The following CFAP46 variants were observed in gnomAD, a reference collection of about 807,000 sequenced individuals.
The protein encoded by CFAP46 is cilia and flagella associated protein 46, also known as cilia- and flagella-associated protein 46.
Under a neutral mutation model 325.7 loss-of-function variants are expected in CFAP46, and 245 were observed. The ratio of observed to expected loss-of-function variants is 0.75; its 90% CI spans 0.68 to 0.84. CFAP46 has a LOEUF of 0.84. CFAP46 is among the 40% of genes least tolerant of loss of function. The pLI, the probability that CFAP46 is intolerant of heterozygous loss-of-function variation, is 0.00. For missense variants in CFAP46, 3,346 were observed against 3,543.0 expected (o/e 0.94, Z 1.41); for synonymous variants, 1,523 against 1,495.9 (o/e 1.02, Z -0.42).
chr10:132,910,904 C>G (rs12412230), intron 19 of CFAP46, among the ~76,000 whole-genome samples: 53,880 of 152,078 alleles, frequency 0.35, 9,888 homozygotes, highest in Admixed American at 0.49. Context: ...ACTCCCCGTG[C>G]GGTTGTGCAC....
Position 132,832,529 on chromosome 10 carries a change from T to C in CFAP46, c.7117+829A>G, listed in dbSNP as rs542255606. 1.8e-4 allele frequency: 60 copies of C among 326,394 alleles called. No homozygotes were observed. The highest frequency in any genetic ancestry group is 1.2e-3 in the South Asian group (53 of 43,262). The allele number at this position is 326,394 out of a possible 1,614,324, so 20.2% of individuals were successfully genotyped here. On this transcript the variant is annotated intron_variant, in intron 50 of 57. Coordinates refer to ENST00000368586, the MANE Select transcript of CFAP46 (RefSeq NM_001200049.3). The surrounding 1 kb of genome is among the most constrained non-coding windows in gnomAD (Gnocchi z 4.1). ...TCAATGTTTGAAAACCCTCATTTCA[T>C]GTGCTTTTCTCTGGTTTTTATTTGT...
At chr10:132,900,483 C>T (rs544034696) in intron 22 of CFAP46, among the ~76,000 whole-genome samples, 9 of 152,380 alleles carry the variant, frequency 5.9e-5, no homozygotes, top group Non-Finnish European at 1.3e-4. Flanking sequence ...GAGAAAGATG[C>T]TGGCTCACGG....
intron 32 of CFAP46, among the ~76,000 whole-genome samples, chr10:132,870,401 A>G (rs911299510): frequency 1.3e-5 from 2 of 152,206 alleles, no homozygotes; most frequent in African/African-American, 2.4e-5. Flanking sequence ...GATTCAGTTC[A>G]GTGAGGAAAG....
At chr10:132,929,433 C>G (rs975300885) in intron 9 of CFAP46, 3 of 699,846 alleles carry the variant, frequency 4.3e-6, no homozygotes, top group African/African-American at 1.8e-5. Context: ...TGAAATTTTA[C>G]GCCGTCCGTA....
At chr10:132,893,128 A>G (rs1591076939) in intron 24 of CFAP46, among the ~76,000 whole-genome samples, 1 of 152,224 alleles carries the variant, frequency 6.6e-6, no homozygotes, top group Middle Eastern at 3.2e-3. Flanking sequence ...TCACTGGTCT[A>G]TGACCTTCCT....
In CFAP46 at chr10:132,814,905, AC is replaced by A; in HGVS notation, c.7126del (p.Val2376Ter). The A allele has an allele frequency of 1.2e-6, 2 of 1,613,422 alleles. No individual in the cohort carries two copies. Among genetic ancestry groups the A allele is most frequent in the Non-Finnish European group, 1.7e-6 (2 of 1,179,822 alleles). ...RLHKEETEGG[V>X]KKEGRSRDPK... ...GTCTCTGCTTCTTCCCTCCTTTTTC[AC>A]GCCACCTTCTGTTGAAGACAAGAAA... is the stretch of plus-strand genomic sequence containing the variant. On this transcript the variant is annotated frameshift_variant, in exon 51 of 58. Transcript: ENST00000368586. LOFTEE classifies it high-confidence loss of function.
chr10:132,844,746 A>T (rs1276758959), intron 44 of CFAP46, among the ~76,000 whole-genome samples: 1 of 152,076 alleles, frequency 6.6e-6, no homozygotes, highest in Admixed American at 6.5e-5. Context: ...GCCGTGCGGG[A>T]GGGAGAGCCA....
At chr10:132,865,467 C>T (rs528343823) in intron 35 of CFAP46, among the ~76,000 whole-genome samples, 3 of 152,318 alleles carry the variant, frequency 2.0e-5, no homozygotes, top group African/African-American at 7.2e-5. Context: ...CAAAGCCTGG[C>T]AGGAACCAGC....
In CFAP46 at chr10:132,832,700, C is replaced by A. The variant is rs992020394; in HGVS notation, c.7117+658G>T. 8.7e-6 allele frequency: 4 copies of A among 459,732 alleles called. No individual in the cohort carries two copies. The highest frequency in any genetic ancestry group is 6.2e-5 in the South Asian group (4 of 64,244). 28.5% of individuals were successfully genotyped at this position (459,732 alleles called of 1,614,324 possible). A position where few individuals can be genotyped will look rare whatever the true frequency, so the allele number is the denominator to read the frequency against. On this transcript the variant is annotated intron_variant, in intron 50 of 57. Coordinates refer to ENST00000368586, the MANE Select transcript of CFAP46 (RefSeq NM_001200049.3). This position sits in a 1 kb window ranked among gnomAD's most constrained non-coding sequence, Gnocchi z 4.1. ...GTAGCGCTCGGGGAAGCTTCACAAC[C>A]GGGGCACGTCTGCACAGCCAGCACT... is the stretch of plus-strand genomic sequence containing the variant.
At chr10:132,929,026 T>A (rs1328461899) in intron 9 of CFAP46, among the ~76,000 whole-genome samples, 1 of 152,104 alleles carries the variant, frequency 6.6e-6, no homozygotes, top group Non-Finnish European at 1.5e-5. Flanking sequence ...GCCCTTTATG[T>A]AATAAGCAAA....
At chr10:132,850,683 T>G (rs1039306366) in intron 40 of CFAP46, among the ~76,000 whole-genome samples, 1 of 152,232 alleles carries the variant, frequency 6.6e-6, no homozygotes, top group Admixed American at 6.5e-5. Flanking sequence ...TTTATACTTA[T>G]GTAAATTAAT....
At chr10:132,885,449 G>C (rs1449227994) in intron 26 of CFAP46, among the ~76,000 whole-genome samples, 163 bp from the exon 27 acceptor site, 3 of 151,708 alleles carry the variant, frequency 2.0e-5, no homozygotes, top group Non-Finnish European at 2.9e-5. Flanking sequence ...GGTCTCGGGG[G>C]TGAGCGGGGG....
At position 132,867,393 on chromosome 10, in the gene CFAP46, T is replaced by A. The variant is rs542711302; in HGVS notation, c.4725A>T (p.Pro1575=). ...AGGTTACCTTGTCCTTGGCGTCCAG[T>A]GGTTTGATCTCCCCAGGCTGGACAG... The part of the protein sequence containing the change: ...TLPVQPGEIK[P]LDAKDKILKM... The change falls in exon 34 of 58, where the codon CCA becomes CCT. Residue 1575 remains proline (P), a synonymous_variant. Transcript: ENST00000368586. The A allele has an allele frequency of 1.3e-6, 2 of 1,550,248 alleles. No homozygotes were observed. Among genetic ancestry groups the A allele is most frequent in the East Asian group, 4.9e-5 (2 of 40,906 alleles).
intron 22 of CFAP46, among the ~76,000 whole-genome samples, chr10:132,900,393 C>T (rs536249200): frequency 3.3e-5 from 5 of 152,374 alleles, no homozygotes; most frequent in African/African-American, 1.2e-4. Context: ...ACGCCACACA[C>T]ACTAAGGCAG....
intron 50 of CFAP46, among the ~76,000 whole-genome samples, chr10:132,822,337 G>T (rs1324245327): frequency 4.1e-5 from 6 of 145,172 alleles, no homozygotes; most frequent in Non-Finnish European, 9.0e-5. Context: ...TGTGCTGTGT[G>T]TGTGGTGATG....
intron 35 of CFAP46, among the ~76,000 whole-genome samples, chr10:132,862,319 G>A (rs921758767): frequency 5.9e-5 from 9 of 152,160 alleles, no homozygotes; most frequent in African/African-American, 1.9e-4. Flanking sequence ...AGCTACAGTG[G>A]GCCGGAGGCC....
rs905763887 is a variant in CFAP46 at position 132,847,646 on chromosome 10, G to A, written c.5953-325C>T. On this transcript the variant is annotated intron_variant, in intron 41 of 57. Transcript: ENST00000368586. This position sits in a 1 kb window ranked among gnomAD's most constrained non-coding sequence, Gnocchi z 5.2. ...TCCAACACATTCCCAGGGGGCTCTC[G>A]TTCCTGTCCTTTGGAAACACCTCTC... is the stretch of plus-strand genomic sequence containing the variant. Among the ~76,000 whole-genome samples, 3 of 151,996 alleles carry A rather than the reference G, an allele frequency of 2.0e-5. No homozygotes were observed. The highest frequency in any genetic ancestry group is 2.1e-4 in the South Asian group (1 of 4,824).
At chr10:132,873,863 C>T (rs1486314500) in intron 31 of CFAP46, among the ~76,000 whole-genome samples, 1 of 152,206 alleles carries the variant, frequency 6.6e-6, no homozygotes, top group Non-Finnish European at 1.5e-5. Flanking sequence ...TTGAGAACAA[C>T]TTCATGGCAA....
chr10:132,894,129 C>A (rs1849291185), intron 24 of CFAP46, among the ~76,000 whole-genome samples: 1 of 152,238 alleles, frequency 6.6e-6, no homozygotes, highest in African/African-American at 2.4e-5. Flanking sequence ...TGGTAATGTA[C>A]TTTGGTGGTG....
Sources: gnomAD v4.1 joint callset for allele counts (sites outside exome capture counted in the v4.1 genomes callset) on GRCh38, gnomAD v4.1.1 for gene constraint, Gnocchi (gnomAD v3.1) non-coding constraint, MANE v1.5 for transcripts, NCBI Gene and HGNC (gene_info 2026-07-23, HGNC 2026-07-21) for gene names.